Variants in KCNIP4 observed in about 807,000 individuals in gnomAD.
KCNIP4 encodes the protein potassium voltage-gated channel interacting protein 4, also known as Kv channel-interacting protein 4.
In KCNIP4, 12 loss-of-function variants were observed where a neutral mutation model predicts 34.0. The ratio of observed to expected loss-of-function variants is 0.35; its 90% CI spans 0.23 to 0.57. KCNIP4 has a LOEUF of 0.57. Ranked by LOEUF, KCNIP4 falls within the 20% of genes least tolerant of loss-of-function variation. The probability of loss-of-function intolerance (pLI) is 0.83; values close to 1 mark genes in which losing one functional copy is unlikely to be tolerated. For synonymous variants in KCNIP4, 124 were observed against 102.2 expected (o/e 1.21, Z -1.29); for missense variants, 238 against 311.7 (o/e 0.76, Z 1.78).
At chr4:20,860,398 G>A (rs11945214) in intron 2 of KCNIP4, among the ~76,000 whole-genome samples, 36,422 of 151,996 alleles carry the variant, frequency 0.24, 5,069 homozygotes, top group African/African-American at 0.39. Context: ...TCGGCCTCCC[G>A]AAGTGCTGGG....
chr4:20,996,386 G>A (rs1457511647), intron 1 of KCNIP4, among the ~76,000 whole-genome samples: 1 of 152,178 alleles, frequency 6.6e-6, no homozygotes, highest in East Asian at 1.9e-4. Context: ...TTCTCGCTGT[G>A]TTTTGAGTCC....
chr4:20,865,996 G>T lies in KCNIP4; in HGVS notation c.164-15329C>A, dbSNP rs187152669. ...ATTTTAAAACGTTTATACACCTTCT[G>T]AAATTGAGTCAGTAATAAAGAACCT... On this transcript the variant is annotated intron_variant, in intron 2 of 8. Transcript: ENST00000382152. Among the ~76,000 whole-genome samples, 275 of 152,040 alleles carry T rather than the reference G, an allele frequency of 1.8e-3. 1 individual carries two copies. Among genetic ancestry groups the T allele is most frequent in the African/African-American group, 6.2e-3 (258 of 41,530 alleles).
intron 1 of KCNIP4, among the ~76,000 whole-genome samples, chr4:21,800,031 C>G (rs1423914943): frequency 6.6e-6 from 1 of 152,122 alleles, no homozygotes; most frequent in Non-Finnish European, 1.5e-5. Flanking sequence ...GGATAAGAAT[C>G]TTCTTAAAGA....
intron 1 of KCNIP4, among the ~76,000 whole-genome samples, chr4:21,506,827 T>A (rs1376827888): frequency 6.6e-6 from 1 of 152,166 alleles, no homozygotes; most frequent in African/African-American, 2.4e-5. Flanking sequence ...AGTCTCTCTC[T>A]GTAGCCCAGG....
At chr4:20,767,752 G>T (rs1755537167) in intron 3 of KCNIP4, among the ~76,000 whole-genome samples, 1 of 151,754 alleles carries the variant, frequency 6.6e-6, no homozygotes, top group African/African-American at 2.4e-5. Flanking sequence ...TTCTCCTCAG[G>T]ATCAGAATTG....
chr4:21,548,123 G>T (rs1738283854), intron 1 of KCNIP4, among the ~76,000 whole-genome samples: 1 of 151,900 alleles, frequency 6.6e-6, no homozygotes, highest in Non-Finnish European at 1.5e-5. Flanking sequence ...ATATGTTCAG[G>T]GTAACCAAGG....
intron 1 of KCNIP4, among the ~76,000 whole-genome samples, chr4:21,334,371 A>G (rs1284239206): frequency 2.0e-5 from 3 of 150,938 alleles, no homozygotes; most frequent in Non-Finnish European, 4.4e-5. Context: ...TCTGAGGGGC[A>G]TAAGTTTATG....
chr4:20,937,791 G>GCC (rs928753265), intron 1 of KCNIP4, among the ~76,000 whole-genome samples: 5 of 152,270 alleles, frequency 3.3e-5, no homozygotes, highest in Admixed American at 1.3e-4. Flanking sequence ...CTTATTTACA[G>GCC]CCCAGCTATA....
At chr4:20,986,700 T>C (rs73805248) in intron 1 of KCNIP4, among the ~76,000 whole-genome samples, 1 of 152,200 alleles carries the variant, frequency 6.6e-6, no homozygotes, top group Admixed American at 6.5e-5. Flanking sequence ...TATTTGCCAA[T>C]TGATCTCTTA....
intron 1 of KCNIP4, among the ~76,000 whole-genome samples, chr4:21,102,290 T>C (rs1748018756): frequency 6.6e-6 from 1 of 152,330 alleles, no homozygotes. Context: ...GCTCAATAAA[T>C]ATTTGTCCAA....
At chr4:21,752,785 C>T (rs2018175) in intron 1 of KCNIP4, among the ~76,000 whole-genome samples, 94,914 of 151,966 alleles carry the variant, frequency 0.62, 31,131 homozygotes, top group African/African-American at 0.77. Context: ...TAGGCTAAAT[C>T]CCACCCATTC....
intron 1 of KCNIP4, among the ~76,000 whole-genome samples, chr4:21,885,153 G>A (rs1002747868): frequency 8.6e-5 from 13 of 151,954 alleles, no homozygotes; most frequent in African/African-American, 2.9e-4. Flanking sequence ...ATGTAACTGG[G>A]GTCCAATAAA....
chr4:21,754,212 T>C (rs754053131), intron 1 of KCNIP4, among the ~76,000 whole-genome samples: 20 of 151,836 alleles, frequency 1.3e-4, no homozygotes, highest in Non-Finnish European at 1.6e-4. Context: ...CAACTGTCAC[T>C]TTACAATGGA....
At chr4:21,301,413 A>C (rs1001725736) in intron 1 of KCNIP4, among the ~76,000 whole-genome samples, 1 of 152,192 alleles carries the variant, frequency 6.6e-6, no homozygotes, top group African/African-American at 2.4e-5. Flanking sequence ...GAGGAGGTTT[A>C]ATGATTTAGG....
chr4:21,481,853 T>A (rs1184980469), intron 1 of KCNIP4, among the ~76,000 whole-genome samples: 1 of 152,138 alleles, frequency 6.6e-6, no homozygotes, highest in South Asian at 2.1e-4. Context: ...ATGTAGGAAA[T>A]TACATTTATA....
chr4:21,914,949 G>A (rs1312327741), intron 1 of KCNIP4, among the ~76,000 whole-genome samples: 2 of 151,940 alleles, frequency 1.3e-5, no homozygotes, highest in South Asian at 2.1e-4. Flanking sequence ...AAGTATGAAA[G>A]GTTCTTTTTT....
chr4:21,795,220 C>A (rs9994945), intron 1 of KCNIP4, among the ~76,000 whole-genome samples: 82,601 of 151,950 alleles, frequency 0.54, 22,920 homozygotes, highest in East Asian at 0.75. Context: ...AGTAGACATC[C>A]GGGAAGCGTG....
At chr4:21,837,325 G>C (rs914678265) in intron 1 of KCNIP4, among the ~76,000 whole-genome samples, 1 of 150,574 alleles carries the variant, frequency 6.6e-6, no homozygotes, top group Admixed American at 6.6e-5. Flanking sequence ...CCTGAGGTCA[G>C]GAGTTCGAGA....
chr4:21,440,009 C>T (rs548082162), intron 1 of KCNIP4, among the ~76,000 whole-genome samples: 2 of 152,330 alleles, frequency 1.3e-5, no homozygotes, highest in East Asian at 3.9e-4. Flanking sequence ...AATCCAAGCT[C>T]AGGCTCCTCA....
Sources: allele counts gnomAD v4.1 joint callset (sites outside exome capture counted in the v4.1 genomes callset), GRCh38; gene constraint gnomAD v4.1.1; transcripts MANE v1.5; gene names NCBI Gene and HGNC (gene_info 2026-07-23, HGNC 2026-07-21).